ISM1: variants seen among roughly 807,000 people sequenced by gnomAD.
ISM1 encodes isthmin 1.
In ISM1, 25 loss-of-function variants were observed where a neutral mutation model predicts 46.3. The observed-to-expected ratio is 0.54, with a 90% CI of 0.39 to 0.75. ISM1 has a LOEUF of 0.75. Among genes scored for constraint, ISM1 ranks in the 30% least tolerant of loss-of-function variants. The pLI is 0.00. For synonymous variants in ISM1, 255 were observed against 256.7 expected, an observed-to-expected ratio of 0.99 and a Z score of 0.06; for missense variants, 536 against 625.4, an observed-to-expected ratio of 0.86 and a Z score of 1.52.
At chr20:13,321,069 C>T in the ISM1 span, among the ~76,000 whole-genome samples, 1 of 151,498 alleles carries the variant, frequency 6.6e-6, no homozygotes, top group African/African-American at 2.4e-5. Flanking sequence ...CATGGTGGTA[C>T]GTGCCTGTAA....
intron 1 of ISM1, among the ~76,000 whole-genome samples, chr20:13,248,782 G>A (rs1016600907): frequency 3.3e-5 from 5 of 152,190 alleles, no homozygotes; most frequent in African/African-American, 1.2e-4. Flanking sequence ...TGTTCTGCAT[G>A]ACCTGCCATT....
rs1273979617 is a variant in ISM1 at position 13,299,251 on chromosome 20, G to A, written c.1187G>A (p.Arg396Lys). The A allele has an allele frequency of 3.1e-6, 5 of 1,605,180 alleles. No individual in the cohort carries two copies. Among genetic ancestry groups the A allele is most frequent in the South Asian group, 1.1e-5 (1 of 90,020 alleles). Residue 396 changes from arginine (R) to lysine (K), a missense_variant, in exon 6 of 6, where the codon AGG (arginine) becomes AAG (lysine). Physicochemically the swap from Arg to Lys is conservative, Grantham distance 26. Around this residue, in one of 2 missense-constraint regions of ISM1, gnomAD observed 169 missense variants for 249.3 expected, o/e 0.68. Transcript: ENST00000262487. The surrounding 1 kb of genome is among the most constrained non-coding windows in gnomAD (Gnocchi z 5.8). ...GGCGACAACATGCAGCTCATCACCA[G>A]GGGCAAGGGGGCGGGCACGCCCAAC... The part of the protein sequence containing the change: ...CYGDNMQLIT[R>K]GKGAGTPNLI...
chr20:13,229,073 C>T (rs1325331943), intron 1 of ISM1, among the ~76,000 whole-genome samples: 2 of 151,958 alleles, frequency 1.3e-5, no homozygotes, highest in African/African-American at 2.4e-5. Flanking sequence ...TTTTCTTTCC[C>T]TTTCTTTCCT....
intron 1 of ISM1, among the ~76,000 whole-genome samples, chr20:13,222,515 C>A (rs566383289): frequency 5.9e-5 from 9 of 152,228 alleles, no homozygotes; most frequent in Admixed American, 5.2e-4. Flanking sequence ...CCCTTGTGCC[C>A]CCTTGGTCAT....
At chr20:13,293,921 T>G (rs1174862499) in intron 5 of ISM1, among the ~76,000 whole-genome samples, 2 of 150,620 alleles carry the variant, frequency 1.3e-5, no homozygotes, top group African/African-American at 4.9e-5. Flanking sequence ...TTGCAGTGAG[T>G]CGAGATCACA....
Position 13,221,423 on chromosome 20 carries a change from G to A in ISM1, c.-354G>A, listed in dbSNP as rs1485810672. ...GCCCCCTGCCAGCAGGGTGGCCTCC[G>A]GCCCGGCCCGGGTCCCGGGCTGTCC... On this transcript the variant is annotated 5_prime_UTR_variant, in exon 1 of 6. Transcript: ENST00000262487. Among the ~76,000 whole-genome samples, 3 of 146,574 alleles carry A rather than the reference G, an allele frequency of 2.0e-5. No homozygotes were observed. The highest frequency in any genetic ancestry group is 4.6e-5 in the Non-Finnish European group (3 of 65,676).
intron 3 of ISM1, among the ~76,000 whole-genome samples, chr20:13,280,532 G>A (rs1254551120): frequency 6.6e-6 from 1 of 152,162 alleles, no homozygotes; most frequent in Admixed American, 6.5e-5. Flanking sequence ...GAGTTGGGTA[G>A]GAGAACTCAG....
intron 2 of ISM1, among the ~76,000 whole-genome samples, chr20:13,274,653 C>A (rs2040156447): frequency 6.6e-6 from 1 of 150,514 alleles, no homozygotes. Flanking sequence ...CCACGTCCCG[C>A]CCCCTCTCCA....
At chr20:13,259,540 G>T (rs114495723) in intron 1 of ISM1, among the ~76,000 whole-genome samples, 3 of 152,162 alleles carry the variant, frequency 2.0e-5, no homozygotes, top group Non-Finnish European at 4.4e-5. Flanking sequence ...AGAAAAGGAA[G>T]ATGCTAATGA....
the ISM1 span, among the ~76,000 whole-genome samples, chr20:13,313,428 GTTCAAATAAGGTAA>G: frequency 6.6e-6 from 1 of 152,166 alleles, no homozygotes; most frequent in Non-Finnish European, 1.5e-5. Flanking sequence ...TTCAAACCCT[GTTCAAATAAGGTAA>G]ACACGGAGCC....
chr20:13,310,214 A>G, the ISM1 span, among the ~76,000 whole-genome samples: 7 of 152,220 alleles, frequency 4.6e-5, no homozygotes, highest in Admixed American at 1.3e-4. Flanking sequence ...TAATCAAAAC[A>G]ACATGATACT....
intron 5 of ISM1, among the ~76,000 whole-genome samples, chr20:13,296,405 G>A (rs1305267042): frequency 6.6e-6 from 1 of 152,222 alleles, no homozygotes; most frequent in East Asian, 1.9e-4. Flanking sequence ...TCAGTAAGGA[G>A]AGGATTTATT....
chr20:13,309,659 C>CTCTGTT, the ISM1 span, among the ~76,000 whole-genome samples: 1 of 152,264 alleles, frequency 6.6e-6, no homozygotes. Flanking sequence ...GTGAATTTAT[C>CTCTGTT]TCTGTTTGCA....
the ISM1 span, among the ~76,000 whole-genome samples, chr20:13,306,079 G>GA: frequency 0.34 from 52,065 of 151,768 alleles, 9,397 homozygotes; most frequent in East Asian, 0.48. Flanking sequence ...CCCTCAAAAT[G>GA]AAAAAAACCT....
At chr20:13,259,479 T>A (rs1023098613) in intron 1 of ISM1, among the ~76,000 whole-genome samples, 2 of 152,090 alleles carry the variant, frequency 1.3e-5, no homozygotes, top group Non-Finnish European at 2.9e-5. Context: ...AATGTGAATC[T>A]CATACAAATA....
Position 13,279,616 on chromosome 20 carries a change from C to T in ISM1, c.379-18C>T. Reference sequence around the variant, plus strand: ...CTGTTGACTCCACACTGACCCCAGCCTGTTCTGAATTCTTCAGGTCACCAT... The same window carrying T: ...CTGTTGACTCCACACTGACCCCAGCTTGTTCTGAATTCTTCAGGTCACCAT... On this transcript the variant is annotated intron_variant, in intron 2 of 5. Transcript: ENST00000262487. The T allele has an allele frequency of 6.2e-7, 1 of 1,605,712 alleles. No homozygotes were observed.
At chr20:13,305,430 C>T (rs1055951087), downstream of ISM1, among the ~76,000 whole-genome samples, 7 of 152,154 alleles carry the variant, frequency 4.6e-5, no homozygotes, top group Non-Finnish European at 5.9e-5. Flanking sequence ...CATCCCGACA[C>T]ACAAAGAGTT....
intron 1 of ISM1, among the ~76,000 whole-genome samples, chr20:13,226,159 G>A (rs2039522786): frequency 6.8e-6 from 1 of 147,340 alleles, no homozygotes; most frequent in African/African-American, 2.5e-5. Context: ...GTAGTAAAAT[G>A]TCTTTGTTCT....
intron 1 of ISM1, among the ~76,000 whole-genome samples, chr20:13,225,640 T>G (rs1264595456): frequency 6.6e-6 from 1 of 152,160 alleles, no homozygotes; most frequent in African/African-American, 2.4e-5. Context: ...CCATATTGGG[T>G]AACTGGCTGA....
Sources: gnomAD v4.1 joint callset for allele counts (sites outside exome capture counted in the v4.1 genomes callset) on GRCh38, gnomAD v4.1.1 for gene constraint, gnomAD v4.1.1 regional missense constraint, Gnocchi (gnomAD v3.1) non-coding constraint, MANE v1.5 for transcripts, NCBI Gene and HGNC (gene_info 2026-07-23, HGNC 2026-07-21) for gene names.